CDC14A: variants seen among roughly 807,000 people sequenced by gnomAD.
CDC14A encodes dual specificity protein phosphatase CDC14A.
Under a neutral mutation model 74.4 loss-of-function variants are expected in CDC14A, and 53 were observed. The observed-to-expected ratio is 0.71, with a 90% CI of 0.57 to 0.89. The LOEUF is 0.89. CDC14A is among the 40% of genes least tolerant of loss of function. The pLI is 0.00. For synonymous variants in CDC14A, 247 were observed against 258.4 expected (o/e 0.96, Z 0.43); for missense variants, 646 against 713.7 (o/e 0.91, Z 1.08).
chr1:100,385,863 G>A (rs1408763481), intron 3 of CDC14A, among the ~76,000 whole-genome samples: 1 of 152,156 alleles, frequency 6.6e-6, no homozygotes. Context: ...ATAGAGGGCT[G>A]GCTATGTCCA....
intron 15 of CDC14A, among the ~76,000 whole-genome samples, chr1:100,503,756 AGAG>A (rs1648988617): frequency 6.6e-6 from 1 of 152,218 alleles, no homozygotes; most frequent in East Asian, 1.9e-4. Context: ...CCTGACACTC[AGAG>A]GAGTTTTCAA....
At chr1:100,411,113 C>T (rs1431173024) in intron 4 of CDC14A, among the ~76,000 whole-genome samples, 3 of 152,178 alleles carry the variant, frequency 2.0e-5, no homozygotes, top group Non-Finnish European at 4.4e-5. Flanking sequence ...CCCATCCTCA[C>T]CATACTGGTA....
chr1:100,510,330 A>T (rs961378013), intron 15 of CDC14A, among the ~76,000 whole-genome samples: 2 of 152,212 alleles, frequency 1.3e-5, no homozygotes, highest in African/African-American at 4.8e-5. Context: ...GGAAATCAAG[A>T]CTCAGAATGG....
At chr1:100,505,033 G>C in intron 15 of CDC14A, 1 of 1,149,166 alleles carries the variant, frequency 8.7e-7, no homozygotes, top group Admixed American at 3.2e-5. Context: ...GTCTGTGTAT[G>C]TAAGAATTGT....
At chr1:100,346,379 C>T (rs1650430623) in intron 1 of CDC14A, among the ~76,000 whole-genome samples, 1 of 152,028 alleles carries the variant, frequency 6.6e-6, no homozygotes, top group African/African-American at 2.4e-5. Flanking sequence ...CCTGCAATCT[C>T]AGCACTTTGG....
upstream of CDC14A, chr1:100,351,722 A>G (rs1442746962): frequency 4.5e-6 from 7 of 1,549,406 alleles, no homozygotes; most frequent in Admixed American, 9.8e-5. Context: ...TTGCGCTCAC[A>G]TTGGCGGCCC....
At chr1:100,385,056 G>A (rs913155223) in intron 3 of CDC14A, among the ~76,000 whole-genome samples, 2 of 152,216 alleles carry the variant, frequency 1.3e-5, no homozygotes, top group Non-Finnish European at 2.9e-5. Flanking sequence ...AAGGTTTGCT[G>A]AGGAATCTGG....
At chr1:100,435,971 A>G (rs1404218531) in intron 5 of CDC14A, among the ~76,000 whole-genome samples, 1 of 151,974 alleles carries the variant, frequency 6.6e-6, no homozygotes, top group Non-Finnish European at 1.5e-5. Context: ...GCTAGTAGGG[A>G]CCTGAAAATG....
chr1:100,472,619 T>C (rs1668498893), intron 10 of CDC14A, among the ~76,000 whole-genome samples: 1 of 152,110 alleles, frequency 6.6e-6, no homozygotes, highest in Non-Finnish European at 1.5e-5. Context: ...CTTTTTGATA[T>C]TGTCTGAGAC....
At chr1:100,493,673 G>T (rs1475522804) in intron 11 of CDC14A, among the ~76,000 whole-genome samples, 2 of 152,184 alleles carry the variant, frequency 1.3e-5, no homozygotes, top group Non-Finnish European at 2.9e-5. Context: ...CTTGGGCTGC[G>T]TCACTTGCAC....
intron 5 of CDC14A, among the ~76,000 whole-genome samples, chr1:100,427,438 C>G (rs1663087964): frequency 6.6e-6 from 1 of 152,084 alleles, no homozygotes; most frequent in Non-Finnish European, 1.5e-5. Context: ...TTAAATAATG[C>G]TGTTTTTCAA....
chr1:100,347,824 T>C (rs1650556754), upstream of CDC14A, among the ~76,000 whole-genome samples: 1 of 152,188 alleles, frequency 6.6e-6, no homozygotes, highest in Non-Finnish European at 1.5e-5. Flanking sequence ...TTACGTTCTT[T>C]GGTAACTTTG....
intron 6 of CDC14A, among the ~76,000 whole-genome samples, chr1:100,441,618 T>A (rs1664937576): frequency 6.6e-6 from 1 of 152,130 alleles, no homozygotes; most frequent in African/African-American, 2.4e-5. Context: ...TTCTCACTTT[T>A]TTGTCTGGAA....
At chr1:100,408,189 T>C (rs1660203002) in intron 4 of CDC14A, among the ~76,000 whole-genome samples, 1 of 152,208 alleles carries the variant, frequency 6.6e-6, no homozygotes. Context: ...GTTCCTGCAA[T>C]AGTTTGCTAA....
At chr1:100,444,782 A>G (rs913870698) in intron 7 of CDC14A, among the ~76,000 whole-genome samples, 1 of 152,200 alleles carries the variant, frequency 6.6e-6, no homozygotes, top group African/African-American at 2.4e-5. Context: ...GTACAAGCCT[A>G]ATTTTCCTTA....
At chr1:100,346,323 T>C in intron 1 of CDC14A, among the ~76,000 whole-genome samples, 1 of 152,212 alleles carries the variant, frequency 6.6e-6, no homozygotes, top group East Asian at 1.9e-4. Flanking sequence ...GTTCACTTAT[T>C]TTTTCTGTAA....
intron 4 of CDC14A, among the ~76,000 whole-genome samples, chr1:100,410,329 AT>A (rs1250136086): frequency 1.3e-5 from 2 of 151,948 alleles, no homozygotes; most frequent in East Asian, 3.9e-4. Flanking sequence ...TTCTAAAATC[AT>A]TTTTTTTCCA....
chr1:100,360,579 A>G (rs2100895184), intron 2 of CDC14A, among the ~76,000 whole-genome samples: 1 of 147,548 alleles, frequency 6.8e-6, no homozygotes, highest in South Asian at 2.2e-4. Context: ...TCCTGGCCTT[A>G]AGTGATCTGC....
At chr1:100,377,332 G>A (rs765211999) in intron 2 of CDC14A, among the ~76,000 whole-genome samples, 11 of 152,112 alleles carry the variant, frequency 7.2e-5, no homozygotes, top group Non-Finnish European at 1.5e-4. Context: ...AAGCCACCGC[G>A]CCCGGCCACT....
Sources: gnomAD v4.1 joint callset for allele counts (sites outside exome capture counted in the v4.1 genomes callset) on GRCh38, gnomAD v4.1.1 for gene constraint, MANE v1.5 for transcripts, NCBI Gene and HGNC (gene_info 2026-07-23, HGNC 2026-07-21) for gene names.